Variants in FOXP4 observed in about 807,000 individuals in gnomAD.
FOXP4 encodes forkhead box protein P4.
A neutral mutation model predicts 82.6 loss-of-function variants in FOXP4; 25 were observed. The observed-to-expected ratio is 0.30, with a 90% CI of 0.22 to 0.42. The LOEUF (loss-of-function observed/expected upper bound fraction) is 0.42, where lower values mean the gene tolerates loss of function less well. Among genes scored for constraint, FOXP4 ranks in the 10% least tolerant of loss-of-function variants. FOXP4 has a pLI of 1.00. For missense variants in FOXP4, 785 were observed against 900.9 expected (o/e 0.87, Z 1.65); for synonymous variants, 415 against 388.2 (o/e 1.07, Z -0.81).
At chr6:41,580,522 G>A (rs1050260148) in intron 3 of FOXP4, among the ~76,000 whole-genome samples, 5 of 152,230 alleles carry the variant, frequency 3.3e-5, no homozygotes, top group African/African-American at 9.6e-5. Flanking sequence ...TTGGGGCCAT[G>A]GAGCCATGCT....
intron 2 of FOXP4, among the ~76,000 whole-genome samples, chr6:41,572,305 G>GAGCC (rs1282066251): frequency 2.6e-5 from 4 of 152,212 alleles, no homozygotes; most frequent in African/African-American, 7.2e-5. Flanking sequence ...ACACACCCTA[G>GAGCC]AGCCAGCCAG....
chr6:41,566,721 G>A (rs1404166332), intron 2 of FOXP4, among the ~76,000 whole-genome samples: 2 of 152,222 alleles, frequency 1.3e-5, no homozygotes, highest in Non-Finnish European at 2.9e-5. Flanking sequence ...AACCTTCCCA[G>A]CCAACAGCCC....
chr6:41,551,358 C>G (rs1352164335), intron 1 of FOXP4, among the ~76,000 whole-genome samples: 1 of 152,196 alleles, frequency 6.6e-6, no homozygotes, highest in Non-Finnish European at 1.5e-5. Flanking sequence ...GTCCCAGGAT[C>G]CCTCTTGAGA....
In FOXP4 at chr6:41,563,297, A is replaced by T. The variant is rs138117686; in HGVS notation, c.-16-2448A>T. Among the ~76,000 whole-genome samples the T allele has an allele frequency of 3.9e-5, 6 of 152,300 alleles. No homozygotes were observed. In the East Asian group the frequency reaches 1.2e-3, roughly 29 times the overall value. On this transcript the variant is annotated intron_variant, in intron 1 of 16. Coordinates refer to ENST00000307972, the MANE Select transcript of FOXP4 (RefSeq NM_001012426.2). ...TTCCAGCCAGGATGAAAGCTGAGCA[A>T]ATGGCTTGGTAGAGTGAGGGAGAAG... is the stretch of plus-strand genomic sequence containing the variant.
At chr6:41,585,636 G>A in intron 5 of FOXP4, 119 bp downstream of exon 5, 8 of 900,162 alleles carry the variant, frequency 8.9e-6, no homozygotes, top group Non-Finnish European at 1.3e-5. Context: ...AAAAGGCTGA[G>A]GAAGGGGACC....
chr6:41,598,743 C>T, intron 16 of FOXP4, 46 bp from the exon 17 acceptor site: 1 of 1,548,638 alleles, frequency 6.5e-7, no homozygotes, highest in Non-Finnish European at 8.7e-7. Context: ...GGGCAGAGGG[C>T]ATCAGAGGAC....
At position 41,564,656 on chromosome 6, in the gene FOXP4, G is replaced by T. The variant is rs375473819; in HGVS notation, c.-16-1089G>T. ...TGTAACCTAACTCTCTGGACCTTCGGTTTTTCCATCTGTAAAATTGGCGTG... is the reference window on the plus strand; with the variant it reads ...TGTAACCTAACTCTCTGGACCTTCGTTTTTTCCATCTGTAAAATTGGCGTG... On this transcript the variant is annotated intron_variant, in intron 1 of 16. Transcript: ENST00000307972. Among the ~76,000 whole-genome samples, 246 of 152,186 alleles carry T rather than the reference G, an allele frequency of 1.6e-3. 5 individuals carry two copies. The South Asian group carries it at 0.046, about 28-fold the overall frequency.
Position 41,587,304 on chromosome 6 carries a change from G to C in FOXP4, c.664G>C (p.Val222Leu). 1 of 1,612,870 alleles carries C rather than the reference G, an allele frequency of 6.2e-7. No individual in the cohort carries two copies. ...CTCCCCTGTCTCTCCCACAGCAGCT[G>C]TTTGCCCAACAGACCTGCCCCAGCT... ...GPLQTLPQAA[V>L]CPTDLPQLWK... Residue 222 changes from valine (V) to leucine (L), a missense_variant, in exon 7 of 17, where the codon GTT becomes CTT. Physicochemically the swap from Val to Leu is conservative, Grantham distance 32. Transcript: ENST00000307972.
intron 14 of FOXP4, among the ~76,000 whole-genome samples, chr6:41,596,016 G>C (rs543574738): frequency 8.5e-5 from 13 of 152,202 alleles, no homozygotes; most frequent in Non-Finnish European, 1.8e-4. Flanking sequence ...TCCTGCCTTA[G>C]CCTCCCGAGA....
chr6:41,593,637 C>T lies in FOXP4; in HGVS notation c.1537-1233C>T, dbSNP rs1231188967. Reference sequence around the variant, plus strand: ...CCCCGTAATGCGGGCAAATTTATTCCGAGGCAGGAGCCCCGGCGTGATTAG... The same window carrying T: ...CCCCGTAATGCGGGCAAATTTATTCTGAGGCAGGAGCCCCGGCGTGATTAG... On this transcript the variant is annotated intron_variant, in intron 13 of 16. Coordinates refer to ENST00000307972, the MANE Select transcript of FOXP4 (RefSeq NM_001012426.2). The surrounding 1 kb of genome is among the most constrained non-coding windows in gnomAD (Gnocchi z 4.1). Among the ~76,000 whole-genome samples, 3 of 152,192 alleles carry T rather than the reference C, an allele frequency of 2.0e-5. No homozygotes were observed. Among genetic ancestry groups the T allele is most frequent in the Admixed American group, 6.5e-5 (1 of 15,286 alleles).
chr6:41,595,085 C>A, intron 14 of FOXP4, 94 bp downstream of exon 14: 1 of 1,549,266 alleles, frequency 6.5e-7, no homozygotes, highest in South Asian at 1.2e-5. Flanking sequence ...CACATGTGCA[C>A]CAGATCCTTC....
rs542287341 is a variant in FOXP4 at position 41,575,048 on chromosome 6, A to G, written c.205-2938A>G. Among the ~76,000 whole-genome samples, 11 of 152,200 alleles carry G rather than the reference A, an allele frequency of 7.2e-5. 1 individual carries two copies. In the South Asian group the frequency reaches 2.3e-3, roughly 32 times the overall value. ...CAGTGGTGCCACCTCGGCTCACTGCAAGCTCCACCTCCCGGGTTCACGCCA... is the reference window on the plus strand; with the variant it reads ...CAGTGGTGCCACCTCGGCTCACTGCGAGCTCCACCTCCCGGGTTCACGCCA... On this transcript the variant is annotated intron_variant, in intron 2 of 16. Transcript: ENST00000307972.
At chr6:41,549,240 T>A (rs1763857573) in intron 1 of FOXP4, among the ~76,000 whole-genome samples, 3 of 152,072 alleles carry the variant, frequency 2.0e-5, no homozygotes, top group Non-Finnish European at 4.4e-5. Context: ...CTTCTCCCTG[T>A]CCTGGACAGG....
rs1450215879 is a variant in FOXP4 at position 41,602,116 on chromosome 6, C to T, written c.*3180C>T. ...CCTTCATCCACTCTGCAGGCCTGCT[C>T]CACCACAGCCCTAATCCTCTGGACG... is the stretch of plus-strand genomic sequence containing the variant. On this transcript the variant is annotated 3_prime_UTR_variant, in exon 17 of 17. Coordinates refer to ENST00000307972, the MANE Select transcript of FOXP4 (RefSeq NM_001012426.2). The T allele has an allele frequency of 6.6e-6, 1 of 152,346 alleles. No individual in the cohort carries two copies. Among genetic ancestry groups the T allele is most frequent in the East Asian group, 1.9e-4 (1 of 5,204 alleles). 9.4% of individuals were successfully genotyped at this position (152,346 alleles called of 1,614,324 possible).
At chr6:41,594,720 G>T in intron 13 of FOXP4, 150 bp from the exon 14 acceptor site, 3 of 1,219,422 alleles carry the variant, frequency 2.5e-6, no homozygotes, top group East Asian at 2.6e-5. Context: ...CTTTGGCTGG[G>T]TCTCCTCCCA....
chr6:41,553,166 TCTC>T (rs1270141737), intron 1 of FOXP4, among the ~76,000 whole-genome samples: 4 of 152,088 alleles, frequency 2.6e-5, no homozygotes, highest in East Asian at 1.9e-4. Context: ...CCCATGCAAG[TCTC>T]CTCCTTCCCA....
At chr6:41,555,699 C>T (rs908149266) in intron 1 of FOXP4, among the ~76,000 whole-genome samples, 5 of 152,238 alleles carry the variant, frequency 3.3e-5, no homozygotes, top group Admixed American at 6.5e-5. Context: ...ACTTGGCATT[C>T]GGCTCCTCTT....
Position 41,601,154 on chromosome 6 carries a change from G to A in FOXP4, c.*2218G>A, listed in dbSNP as rs1269780716. On this transcript the variant is annotated 3_prime_UTR_variant, in exon 17 of 17. Transcript: ENST00000307972. ...TGGTGGTGGCATCCTGAAGCAGTAG[G>A]ACCATTAGTGTGCGTGCACACCCAC... The A allele has an allele frequency of 6.6e-6, 1 of 152,312 alleles. No individual in the cohort carries two copies. The highest frequency in any genetic ancestry group is 2.4e-5 in the African/African-American group (1 of 41,454). The allele number at this position is 152,312 out of a possible 1,614,324, so 9.4% of individuals were successfully genotyped here. A position where few individuals can be genotyped will look rare whatever the true frequency, so the allele number is the denominator to read the frequency against.
intron 1 of FOXP4, among the ~76,000 whole-genome samples, chr6:41,547,771 A>C (rs1418533097): frequency 3.4e-5 from 5 of 146,842 alleles, no homozygotes; most frequent in Admixed American, 1.3e-4. Flanking sequence ...GGAGTGACCG[A>C]GCAGGACCCC....
Sources: allele counts gnomAD v4.1 joint callset (sites outside exome capture counted in the v4.1 genomes callset), GRCh38; gene constraint gnomAD v4.1.1; non-coding constraint Gnocchi (gnomAD v3.1); transcripts MANE v1.5; gene names NCBI Gene and HGNC (gene_info 2026-07-23, HGNC 2026-07-21).